The following RBFOX1 variants were observed in gnomAD, a reference collection of about 807,000 sequenced individuals.
RBFOX1 encodes the protein RNA binding fox-1 homolog 1, also known as RNA binding protein fox-1 homolog 1.
A neutral mutation model predicts 57.7 loss-of-function variants in RBFOX1; 8 were observed. The ratio of observed to expected loss-of-function variants is 0.14; its 90% CI spans 0.08 to 0.25. The LOEUF is 0.25. RBFOX1 is among the 10% of genes least tolerant of loss of function. The pLI is 1.00. For synonymous variants in RBFOX1, 326 were observed against 222.4 expected (o/e 1.47, Z -4.15); for missense variants, 611 against 548.5 (o/e 1.11, Z -1.14).
chr16:5,279,588 G>A (rs565337893), intron 1 of RBFOX1, among the ~76,000 whole-genome samples: 52 of 152,170 alleles, frequency 3.4e-4, no homozygotes, highest in South Asian at 6.2e-4. Flanking sequence ...TGCAACCTCC[G>A]CCTCTCGGGT....
intron 4 of RBFOX1, among the ~76,000 whole-genome samples, chr16:7,447,897 G>C (rs1028673747): frequency 6.6e-6 from 1 of 152,214 alleles, no homozygotes; most frequent in African/African-American, 2.4e-5. Flanking sequence ...CAACCCCCTG[G>C]AGGGGAGGGG....
intron 2 of RBFOX1, among the ~76,000 whole-genome samples, chr16:5,508,936 C>G (rs562958763): frequency 7.0e-4 from 107 of 152,278 alleles, no homozygotes; most frequent in Admixed American, 3.5e-3. Flanking sequence ...GCATAGGAAC[C>G]CTCTACGTCT....
chr16:6,599,131 G>C (rs999758305), intron 2 of RBFOX1, among the ~76,000 whole-genome samples: 3 of 152,122 alleles, frequency 2.0e-5, no homozygotes, highest in Non-Finnish European at 4.4e-5. Context: ...ACGGTCATTT[G>C]GCGTTATCCA....
intron 1 of RBFOX1, among the ~76,000 whole-genome samples, chr16:6,228,941 GAAAC>G (rs1295078377): frequency 6.6e-5 from 10 of 151,952 alleles, no homozygotes; most frequent in Non-Finnish European, 1.0e-4. Flanking sequence ...AAAATAATTA[GAAAC>G]AAACAAAAGT....
At chr16:6,900,326 C>A (rs943913227) in intron 3 of RBFOX1, among the ~76,000 whole-genome samples, 2 of 152,140 alleles carry the variant, frequency 1.3e-5, no homozygotes, top group African/African-American at 4.8e-5. Context: ...GCCATCATCT[C>A]CCCCTGGAGC....
chr16:5,961,376 CA>C, intron 4 of RBFOX1, among the ~76,000 whole-genome samples: 1 of 152,168 alleles, frequency 6.6e-6, no homozygotes, highest in Non-Finnish European at 1.5e-5. Context: ...TACTCAATAG[CA>C]AAGCCAGAAC....
chr16:5,452,095 G>C (rs2068442646), intron 1 of RBFOX1, among the ~76,000 whole-genome samples: 1 of 147,006 alleles, frequency 6.8e-6, no homozygotes. Context: ...TCCTGATTCT[G>C]ATTTATCTCT....
At chr16:7,645,967 TG>T (rs1224397162) in intron 11 of RBFOX1, among the ~76,000 whole-genome samples, 1 of 147,702 alleles carries the variant, frequency 6.8e-6, no homozygotes, top group Non-Finnish European at 1.5e-5. Flanking sequence ...TTTTTTTTTC[TG>T]CGAAACTCTG....
At chr16:5,646,177 G>T (rs1489402302) in intron 3 of RBFOX1, among the ~76,000 whole-genome samples, 1 of 130,342 alleles carries the variant, frequency 7.7e-6, no homozygotes, top group Admixed American at 8.9e-5. Context: ...TTACAGGCAC[G>T]TGCTATTTTT....
chr16:6,863,148 G>C (rs1223773805), intron 3 of RBFOX1, among the ~76,000 whole-genome samples: 2 of 152,038 alleles, frequency 1.3e-5, no homozygotes, highest in Admixed American at 1.3e-4. Flanking sequence ...ATAAGCAGGG[G>C]ATCAAAAGTC....
At chr16:5,695,143 G>T (rs2050808453) in intron 3 of RBFOX1, among the ~76,000 whole-genome samples, 2 of 151,996 alleles carry the variant, frequency 1.3e-5, no homozygotes, top group Admixed American at 1.3e-4. Context: ...ATTAGGGTGA[G>T]ATATTTAGTG....
chr16:6,154,759 G>A (rs1436329129), intron 1 of RBFOX1, among the ~76,000 whole-genome samples: 2 of 152,182 alleles, frequency 1.3e-5, no homozygotes, highest in African/African-American at 2.4e-5. Flanking sequence ...TGTCTGGAAG[G>A]TAAACGTCTT....
At chr16:7,589,559 C>T (rs139328937) in intron 7 of RBFOX1, among the ~76,000 whole-genome samples, 14 of 140,966 alleles carry the variant, frequency 9.9e-5, no homozygotes, top group East Asian at 4.2e-4. Flanking sequence ...GGTGGGTATG[C>T]GCCCTCTGAA....
intron 2 of RBFOX1, among the ~76,000 whole-genome samples, chr16:6,433,402 G>A (rs560534711): frequency 1.3e-5 from 2 of 152,312 alleles, no homozygotes; most frequent in South Asian, 4.1e-4. Context: ...CCCCTGACCT[G>A]CCCCTGGGTG....
intron 3 of RBFOX1, among the ~76,000 whole-genome samples, chr16:7,046,517 T>C (rs2048000812): frequency 6.6e-6 from 1 of 151,336 alleles, no homozygotes; most frequent in Non-Finnish European, 1.5e-5. Context: ...TAATTTTTAT[T>C]TTTTAATTGT....
At chr16:6,961,895 C>T (rs1397050789) in intron 3 of RBFOX1, among the ~76,000 whole-genome samples, 1 of 152,100 alleles carries the variant, frequency 6.6e-6, no homozygotes, top group African/African-American at 2.4e-5. Flanking sequence ...GCTTCTTCAC[C>T]ACATCCTGTT....
chr16:6,399,597 G>T (rs959396515), intron 2 of RBFOX1, among the ~76,000 whole-genome samples: 1 of 151,910 alleles, frequency 6.6e-6, no homozygotes, highest in Non-Finnish European at 1.5e-5. Context: ...ACATCTTTCT[G>T]TCTTCTTGTG....
At chr16:7,012,024 T>A (rs1443703877) in intron 3 of RBFOX1, among the ~76,000 whole-genome samples, 1 of 152,156 alleles carries the variant, frequency 6.6e-6, no homozygotes, top group Non-Finnish European at 1.5e-5. Context: ...CCAGTCACTG[T>A]AGGTCAAATC....
intron 5 of RBFOX1, among the ~76,000 whole-genome samples, chr16:7,550,438 G>A (rs2085992668): frequency 6.6e-6 from 1 of 152,164 alleles, no homozygotes; most frequent in Non-Finnish European, 1.5e-5. Context: ...GTTTGTAGCA[G>A]CAGAGCCGTG....
Sources: gnomAD v4.1 joint callset for allele counts (sites outside exome capture counted in the v4.1 genomes callset) on GRCh38, gnomAD v4.1.1 for gene constraint, MANE v1.5 for transcripts, NCBI Gene and HGNC (gene_info 2026-07-23, HGNC 2026-07-21) for gene names.